KNDC1: variants seen among roughly 807,000 people sequenced by gnomAD.
The protein encoded by KNDC1 is kinase non-catalytic C-lobe domain containing 1, also known as kinase non-catalytic C-lobe domain-containing protein 1.
Under a neutral mutation model 172.8 loss-of-function variants are expected in KNDC1, and 106 were observed. The observed-to-expected ratio is 0.61, with a 90% CI of 0.52 to 0.72. The LOEUF is 0.72. KNDC1 is among the 30% of genes least tolerant of loss of function. The pLI, the probability that KNDC1 is intolerant of heterozygous loss-of-function variation, is 0.00. For synonymous variants in KNDC1, 1,083 were observed against 1,062.2 expected, an observed-to-expected ratio of 1.02 and a Z score of -0.38; for missense variants, 2,325 against 2,394.5, an observed-to-expected ratio of 0.97 and a Z score of 0.61.
chr10:133,216,986 C>T (rs903571894), intron 26 of KNDC1, among the ~76,000 whole-genome samples: 1 of 152,224 alleles, frequency 6.6e-6, no homozygotes, highest in Non-Finnish European at 1.5e-5. Context: ...GCAAGATTCA[C>T]GGAGACAAAG....
In KNDC1 at chr10:133,209,705, C is replaced by G. The variant is rs1230296450; in HGVS notation, c.3795-906C>G. The stretch of plus-strand genomic sequence containing the variant: ...ACGAGGGGCTTCCCCGCTCTGTGGA[C>G]CTGGTGGGCGTCACCTTTGCAGGGC... On this transcript the variant is annotated intron_variant, in intron 20 of 29. Coordinates refer to ENST00000304613, the MANE Select transcript of KNDC1 (RefSeq NM_152643.8). This position sits in a 1 kb window ranked among gnomAD's most constrained non-coding sequence, Gnocchi z 4.9. Among the ~76,000 whole-genome samples, 2 of 152,038 alleles carry G rather than the reference C, an allele frequency of 1.3e-5. No homozygotes were observed. Among genetic ancestry groups the G allele is most frequent in the African/African-American group, 2.4e-5 (1 of 41,374 alleles).
intron 20 of KNDC1, 62 bp downstream of exon 20, chr10:133,207,413 G>A: frequency 2.0e-6 from 3 of 1,472,558 alleles, no homozygotes; most frequent in South Asian, 1.2e-5. Flanking sequence ...GAGAAGAGGG[G>A]GGGAACGTGC....
At chr10:133,178,454 C>A (rs1853621275) in intron 3 of KNDC1, among the ~76,000 whole-genome samples, 1 of 152,198 alleles carries the variant, frequency 6.6e-6, no homozygotes. Context: ...AATAGGCTTT[C>A]CACCCAGCCT....
chr10:133,216,947 G>C (rs1383654379), intron 26 of KNDC1, among the ~76,000 whole-genome samples: 6 of 152,254 alleles, frequency 3.9e-5, no homozygotes, highest in Non-Finnish European at 7.3e-5. Flanking sequence ...GACAGTGGAC[G>C]GCTCCACGTA....
intron 21 of KNDC1, 126 bp downstream of exon 21, chr10:133,210,850 AGGGAAGCCTG>A: frequency 1.2e-6 from 1 of 807,160 alleles, no homozygotes; most frequent in Non-Finnish European, 2.2e-6. Flanking sequence ...GTGAGGGGCC[AGGGAAGCCTG>A]GCTGGAGGTC....
In KNDC1 at chr10:133,188,746, C is replaced by A. The variant is rs1370629449; in HGVS notation, c.1441+93C>A. On this transcript the variant is annotated intron_variant, in intron 7 of 29. Coordinates refer to ENST00000304613, the MANE Select transcript of KNDC1 (RefSeq NM_152643.8). Reference sequence around the variant, plus strand: ...CGTCCCACACCCCCGCCGTCCCACCCCCCACACCGTCCCACGCCCCCCCAC... The same window carrying A: ...CGTCCCACACCCCCGCCGTCCCACCACCCACACCGTCCCACGCCCCCCCAC... 7 of 609,916 alleles carry A rather than the reference C, an allele frequency of 1.1e-5. No homozygotes were observed. In the African/African-American group the frequency reaches 1.3e-4, roughly 12 times the overall value. The allele number at this position is 609,916 out of a possible 1,614,324, so 37.8% of individuals were successfully genotyped here.
rs750449833 is a variant in KNDC1 at position 133,186,040 on chromosome 10, G to T, written c.692G>T (p.Gly231Val). ...AACGCTGGGCCCAGGAGGCCGCCCG[G>T]GGACCCCAGCACTGACCCGGAGGTT... Reference protein sequence around the residue: ...PGNAGPRRPPGDPSTDPEVLP... With the variant: ...PGNAGPRRPPVDPSTDPEVLP... Residue 231 changes from glycine (G) to valine (V), a missense_variant, in exon 6 of 30, where the codon GGG (glycine) becomes GTG (valine). By Grantham distance (109) the Gly-to-Val change is moderately radical (BLOSUM62 -3). Transcript: ENST00000304613. The T allele has an allele frequency of 6.3e-7, 1 of 1,598,308 alleles. No individual in the cohort carries two copies. The highest frequency in any genetic ancestry group is 8.5e-7 in the Non-Finnish European group (1 of 1,174,072).
At chr10:133,205,921 C>CCAGTCAAAAAAAAAAAAA (rs1410405664) in intron 17 of KNDC1, among the ~76,000 whole-genome samples, 13 of 152,068 alleles carry the variant, frequency 8.5e-5, no homozygotes, top group African/African-American at 2.2e-4. Context: ...TAAAAAACGG[C>CCAGTCAAAAAAAAAAAAA]CAGGCGTGGT....
rs758063532 is a variant in KNDC1, at chr10:133,214,030, G to A, written c.4585G>A (p.Val1529Ile). The A allele has an allele frequency of 3.0e-5, 49 of 1,614,074 alleles. No individual in the cohort carries two copies. The highest frequency in any genetic ancestry group is 2.0e-4 in the Admixed American group (12 of 60,012). The stretch of plus-strand genomic sequence containing the variant: ...CTGCAGCTTATTTCTGCCCAATTAC[G>A]TTCAGGACAAGTATCTGTTACAGCT... ...KTCSLFLPNY[V>I]QDKYLLQLLR... The change falls in exon 26 of 30, where the codon GTT becomes ATT. Residue 1529 changes from valine (V) to isoleucine (I), a missense_variant. Physicochemically the swap from Val to Ile is conservative, Grantham distance 29. Coordinates refer to ENST00000304613, the MANE Select transcript of KNDC1 (RefSeq NM_152643.8).
At chr10:133,191,061 G>A (rs1224800200) in intron 9 of KNDC1, among the ~76,000 whole-genome samples, 7 of 152,208 alleles carry the variant, frequency 4.6e-5, no homozygotes, top group Non-Finnish European at 8.8e-5. Flanking sequence ...CCAACTGGCC[G>A]GGCATGGTGA....
chr10:133,166,498 C>T (rs552458938), intron 1 of KNDC1, among the ~76,000 whole-genome samples: 31 of 151,972 alleles, frequency 2.0e-4, no homozygotes, highest in African/African-American at 2.4e-5. Flanking sequence ...GGCATGTGTG[C>T]GGTGGCATGT....
chr10:133,198,812 C>T lies in KNDC1; in HGVS notation c.2304C>T (p.Asn768=). ...RPCPPPQAPA[N]QPEGASSAAP... is the part of the protein sequence containing the mutation. ...GCCCTCCACCCCAGGCCCCAGCAAACCAGCCAGAGGGGGCCTCATCGGCAG... is the reference window on the plus strand; with the variant it reads ...GCCCTCCACCCCAGGCCCCAGCAAATCAGCCAGAGGGGGCCTCATCGGCAG... Residue 768 remains asparagine, a synonymous_variant, in exon 14 of 30, where the codon AAC becomes AAT. Coordinates refer to ENST00000304613, the MANE Select transcript of KNDC1 (RefSeq NM_152643.8). 3 of 1,596,424 alleles carry T rather than the reference C, an allele frequency of 1.9e-6. No homozygotes were observed. Among genetic ancestry groups the T allele is most frequent in the Non-Finnish European group, 2.6e-6 (3 of 1,172,096 alleles).
intron 9 of KNDC1, among the ~76,000 whole-genome samples, chr10:133,194,026 A>T (rs1277002753): frequency 6.6e-6 from 1 of 152,214 alleles, no homozygotes; most frequent in East Asian, 1.9e-4. Context: ...TCAGACTGTA[A>T]ACCAGTAAAA....
chr10:133,196,048 C>T (rs1210552921), intron 10 of KNDC1, among the ~76,000 whole-genome samples: 1 of 152,224 alleles, frequency 6.6e-6, no homozygotes, highest in African/African-American at 2.4e-5. Context: ...GCATGGGGGT[C>T]TCTGCTGCTC....
chr10:133,215,640 C>T (rs1224579781), intron 26 of KNDC1, among the ~76,000 whole-genome samples: 1 of 152,278 alleles, frequency 6.6e-6, no homozygotes, highest in Non-Finnish European at 1.5e-5. Flanking sequence ...GGACAGGTGG[C>T]TGTCACCTGG....
rs4838706 is a variant in KNDC1 at position 133,183,087 on chromosome 10, G to T, written c.361-257G>T. On this transcript the variant is annotated intron_variant, in intron 3 of 29. Coordinates refer to ENST00000304613, the MANE Select transcript of KNDC1 (RefSeq NM_152643.8). ...GGTGTGGGCGGCGTGGGCACGGGCA[G>T]TGTGGACGTGGGTGGCGGCAGGGGC... 3.4e-4 allele frequency among the ~76,000 whole-genome samples: 51 copies of T among 150,426 alleles called. No individual in the cohort carries two copies. The South Asian group carries it at 3.8e-3, about 11-fold the overall frequency.
chr10:133,161,482 C>T (rs957924829), intron 1 of KNDC1, among the ~76,000 whole-genome samples: 2 of 152,206 alleles, frequency 1.3e-5, no homozygotes. Flanking sequence ...GCCTGACCCC[C>T]TCGCAGTCCC....
At chr10:133,169,332 C>T (rs1297070414) in intron 3 of KNDC1, among the ~76,000 whole-genome samples, 11 of 152,156 alleles carry the variant, frequency 7.2e-5, no homozygotes, top group South Asian at 2.1e-4. Context: ...CAGTGGTGCA[C>T]GCCTGTGGTC....
intron 20 of KNDC1, among the ~76,000 whole-genome samples, chr10:133,207,608 G>A (rs955421704): frequency 2.6e-5 from 4 of 152,226 alleles, no homozygotes; most frequent in Admixed American, 6.5e-5. Flanking sequence ...GAGGTGCTGC[G>A]GAACCGCCCT....
Sources: gnomAD v4.1 joint callset for allele counts (sites outside exome capture counted in the v4.1 genomes callset) on GRCh38, gnomAD v4.1.1 for gene constraint, Gnocchi (gnomAD v3.1) non-coding constraint, MANE v1.5 for transcripts, NCBI Gene and HGNC (gene_info 2026-07-23, HGNC 2026-07-21) for gene names.